Variants in CHST6 observed in about 807,000 individuals in gnomAD.
CHST6 encodes carbohydrate sulfotransferase 6, also known as N-acetylglucosamine 6-O-sulfotransferase 5.
For synonymous variants in CHST6, 309 were observed against 276.4 expected (o/e 1.12, Z -1.17); for missense variants, 698 against 586.2 (o/e 1.19, Z -1.97).
At position 75,478,269 on chromosome 16, in the gene CHST6, C is replaced by T. The variant is rs1567407854; in HGVS notation, c.*372G>A. 1 of 366,808 alleles carries T rather than the reference C, an allele frequency of 2.7e-6. No homozygotes were observed. Among genetic ancestry groups the T allele is most frequent in the East Asian group, 6.9e-5 (1 of 14,460 alleles). 22.7% of individuals were successfully genotyped at this position (366,808 alleles called of 1,614,324 possible). The stretch of plus-strand genomic sequence containing the variant: ...GCCATTTCACCACAGTGCCTCTCCA[C>T]TCCCAGCCAGTGCCAGGGCACCCCC... On this transcript the variant is annotated 3_prime_UTR_variant, in exon 3 of 3. Coordinates refer to ENST00000332272, the MANE Select transcript of CHST6 (RefSeq NM_021615.5).
At chr16:75,494,603 G>A (rs932145021) in intron 1 of CHST6, among the ~76,000 whole-genome samples, 2 of 152,166 alleles carry the variant, frequency 1.3e-5, no homozygotes, top group East Asian at 3.9e-4. Flanking sequence ...AAATCAACCC[G>A]CCAAGCTACC....
intron 1 of CHST6, among the ~76,000 whole-genome samples, chr16:75,487,956 A>G (rs2080219105): frequency 6.6e-6 from 1 of 151,964 alleles, no homozygotes; most frequent in African/African-American, 2.4e-5. Flanking sequence ...AGATCATGCC[A>G]CTGCACTCTA....
rs936537001 is a variant in CHST6 at position 75,478,846 on chromosome 16, T to G, written c.983A>C (p.Asn328Thr). 3 of 1,613,366 alleles carry G rather than the reference T, an allele frequency of 1.9e-6. No individual in the cohort carries two copies. Among genetic ancestry groups the G allele is most frequent in the Non-Finnish European group, 1.7e-6 (2 of 1,179,984 alleles). ...CGCATGGCGCCAGGCCTGGGAGACG[T>G]TGAGCGCATTCCTGGACGAAGTCTT... is the stretch of plus-strand genomic sequence containing the variant. The part of the protein sequence containing the change: ...AFKTSSRNAL[N>T]VSQAWRHALP... The change falls in exon 3 of 3, where the codon AAC becomes ACC. Residue 328 changes from asparagine to threonine, a missense_variant. Physicochemically the swap from Asn to Thr is moderately conservative, Grantham distance 65 (BLOSUM62 0). Transcript: ENST00000332272.
Position 75,478,935 on chromosome 16 carries a change from C to G in CHST6, c.894G>C (p.Gln298His), listed in dbSNP as rs1187579520. The G allele has an allele frequency of 6.2e-7, 1 of 1,613,022 alleles. No homozygotes were observed. Among genetic ancestry groups the G allele is most frequent in the Non-Finnish European group, 8.5e-7 (1 of 1,179,968 alleles). The stretch of plus-strand genomic sequence containing the variant: ...TGATGTTATGGATCCAGGCCTCGAG[C>G]TGTGGCGTGAGACTGAGCCCAGTGA... ...YAFTGLSLTP[Q>H]LEAWIHNITH... Residue 298 changes from glutamine (Q) to histidine (H), a missense_variant, in exon 3 of 3, where the codon CAG becomes CAC. By Grantham distance (24) the Gln-to-His change is conservative. Coordinates refer to ENST00000332272, the MANE Select transcript of CHST6 (RefSeq NM_021615.5).
Position 75,472,119 on chromosome 16 carries a change from G to C in CHST6, c.*6522C>G, listed in dbSNP as rs567573370. Reference sequence around the variant, plus strand: ...TTTCAACAAGACATAAAATCCACTGGCCATAAGGAAAGGATTCACATTCAA... The same window carrying C: ...TTTCAACAAGACATAAAATCCACTGCCCATAAGGAAAGGATTCACATTCAA... On this transcript the variant is annotated 3_prime_UTR_variant, in exon 3 of 3. Coordinates refer to ENST00000332272, the MANE Select transcript of CHST6 (RefSeq NM_021615.5). 1 of 152,308 alleles carries C rather than the reference G, an allele frequency of 6.6e-6. No homozygotes were observed. The highest frequency in any genetic ancestry group is 1.9e-4 in the East Asian group (1 of 5,188). The allele number at this position is 152,308 out of a possible 1,614,324, so 9.4% of individuals were successfully genotyped here. A position where few individuals can be genotyped will look rare whatever the true frequency, so the allele number is the denominator to read the frequency against.
rs1283505000 is a variant in CHST6 at position 75,476,897 on chromosome 16, A to AC, written c.*1743dup. 6.6e-6 allele frequency: 1 copy of AC among 151,998 alleles called. No homozygotes were observed. The highest frequency in any genetic ancestry group is 2.0e-4 in the East Asian group (1 of 5,116). 9.4% of individuals were successfully genotyped at this position (151,998 alleles called of 1,614,324 possible). On this transcript the variant is annotated 3_prime_UTR_variant, in exon 3 of 3. Transcript: ENST00000332272. ...GGAGCTGGGATTACAGGTATGTGCGACCATGCCTCGCTAATTTTGTATTTT... is the reference window on the plus strand; with the variant it reads ...GGAGCTGGGATTACAGGTATGTGCGACCCATGCCTCGCTAATTTTGTATTTT...
rs552475714 is a variant in CHST6 at position 75,474,827 on chromosome 16, G to A, written c.*3814C>T. The stretch of plus-strand genomic sequence containing the variant: ...GTGGTTTTTTTTAAGACAGACTCTC[G>A]CTTTGTTGCCCAGGCTGGAGTACAG... On this transcript the variant is annotated 3_prime_UTR_variant, in exon 3 of 3. Transcript: ENST00000332272. The A allele has an allele frequency of 1.5e-4, 61 of 393,850 alleles. 1 individual carries two copies. Among genetic ancestry groups the A allele is most frequent in the African/African-American group, 7.9e-4 (38 of 48,364 alleles). 24.4% of individuals were successfully genotyped at this position (393,850 alleles called of 1,614,324 possible).
rs994051919 is a variant in CHST6, at chr16:75,477,228, G to A, written c.*1413C>T. 2.0e-5 allele frequency: 3 copies of A among 152,202 alleles called. No individual in the cohort carries two copies. Among genetic ancestry groups the A allele is most frequent in the Non-Finnish European group, 4.4e-5 (3 of 68,046 alleles). 9.4% of individuals were successfully genotyped at this position (152,202 alleles called of 1,614,324 possible). A position where few individuals can be genotyped will look rare whatever the true frequency, so the allele number is the denominator to read the frequency against. On this transcript the variant is annotated 3_prime_UTR_variant, in exon 3 of 3. Transcript: ENST00000332272. ...TAAACCTGGAAGGAACCTAAAATGA[G>A]CTTCAGCTTCAAGGCTAATGTGCCT... is the stretch of plus-strand genomic sequence containing the variant.
rs761934435 is a variant in CHST6, at chr16:75,478,774, G to A, written c.1055C>T (p.Ala352Val). The change falls in exon 3 of 3, where the codon GCG (alanine) becomes GTG (valine). Residue 352 changes from alanine (A) to valine (V), a missense_variant. Physicochemically the swap from Ala to Val is moderately conservative, Grantham distance 64. Transcript: ENST00000332272. The part of the protein sequence containing the change: ...IRRVQELCAG[A>V]LQLLGYRPVY... ...AGGCCGGTAGCCCAGCAGCTGCAGC[G>A]CACCAGCGCACAGTTCCTGCACGCG... The A allele has an allele frequency of 1.6e-5, 26 of 1,613,344 alleles. No homozygotes were observed. The East Asian group carries it at 4.9e-4, about 30-fold the overall frequency.
chr16:75,491,418 G>A (rs1190627092), intron 1 of CHST6, among the ~76,000 whole-genome samples: 2 of 151,478 alleles, frequency 1.3e-5, no homozygotes, highest in African/African-American at 2.4e-5. Flanking sequence ...CGCCTAGGCT[G>A]GAGTGCAGTG....
At chr16:75,480,005 C>A (rs2080122307) in intron 2 of CHST6, among the ~76,000 whole-genome samples, 161 bp from the exon 3 acceptor site, 1 of 152,192 alleles carries the variant, frequency 6.6e-6, no homozygotes, top group Admixed American at 6.5e-5. Context: ...GGCCTTAAGA[C>A]ATAACTCAGG....
rs2151661649 is a variant in CHST6 at position 75,473,271 on chromosome 16, C to G, written c.*5370G>C. On this transcript the variant is annotated 3_prime_UTR_variant, in exon 3 of 3. Transcript: ENST00000332272. ...TCCCCACCTCTGAATCTGGGTGAGC[C>G]CTGGGACTCCCTTTGGCCAGTAGAA... The G allele has an allele frequency of 6.6e-6, 1 of 152,420 alleles. No homozygotes were observed. Among genetic ancestry groups the G allele is most frequent in the African/African-American group, 2.4e-5 (1 of 41,552 alleles). The allele number at this position is 152,420 out of a possible 1,614,324, so 9.4% of individuals were successfully genotyped here.
Position 75,479,526 on chromosome 16 carries a change from C to A in CHST6, c.303G>T (p.Leu101=), listed in dbSNP as rs1271891017. 1 of 1,612,786 alleles carries A rather than the reference C, an allele frequency of 6.2e-7. No homozygotes were observed. Among genetic ancestry groups the A allele is most frequent in the Non-Finnish European group, 8.5e-7 (1 of 1,179,842 alleles). ...AGGCATCAAACACGTCCATGTCGCA[C>A]AGGAAGACGGAGCGCACCAGGTCGC... The part of the protein sequence containing the change: ...AVRDLVRSVF[L]CDMDVFDAYL... Residue 101 remains leucine, a synonymous_variant, in exon 3 of 3, where the codon CTG becomes CTT. Transcript: ENST00000332272.
Position 75,479,666 on chromosome 16 carries a change from A to C in CHST6, c.163T>G (p.Phe55Val). 1 of 1,612,592 alleles carries C rather than the reference A, an allele frequency of 6.2e-7. No individual in the cohort carries two copies. The highest frequency in any genetic ancestry group is 1.1e-5 in the South Asian group (1 of 91,018). Reference protein sequence around the residue: ...VLSSWRSGSSFVGQLFNQHPD... With the variant: ...VLSSWRSGSSVVGQLFNQHPD... ...TGCTGGTTGAAGAGTTGGCCCACGA[A>C]GGACGAGCCCGAGCGCCACGAGGAC... Residue 55 changes from phenylalanine (F) to valine (V), a missense_variant, in exon 3 of 3, where the codon TTC becomes GTC. Coordinates refer to ENST00000332272, the MANE Select transcript of CHST6 (RefSeq NM_021615.5).
In CHST6 at chr16:75,476,944, A is replaced by G. The variant is rs2080072587; in HGVS notation, c.*1697T>C. 6.6e-6 allele frequency: 1 copy of G among 152,118 alleles called. No homozygotes were observed. The highest frequency in any genetic ancestry group is 2.4e-5 in the African/African-American group (1 of 41,416). 9.4% of individuals were successfully genotyped at this position (152,118 alleles called of 1,614,324 possible). ...TTTTTAGTAGAGGAGGGGCTTCGCC[A>G]TGTTGGCCAGGCTGTTCTTGAATGC... On this transcript the variant is annotated 3_prime_UTR_variant, in exon 3 of 3. Coordinates refer to ENST00000332272, the MANE Select transcript of CHST6 (RefSeq NM_021615.5).
Position 75,476,748 on chromosome 16 carries a change from CTT to C in CHST6, c.*1891_*1892del, listed in dbSNP as rs35225560. 310 of 136,782 alleles carry C rather than the reference CTT, an allele frequency of 2.3e-3. 1 individual carries two copies. Among genetic ancestry groups the C allele is most frequent in the Admixed American group, 6.9e-3 (95 of 13,676 alleles). 8.5% of individuals were successfully genotyped at this position (136,782 alleles called of 1,614,324 possible). A position where few individuals can be genotyped will look rare whatever the true frequency, so the allele number is the denominator to read the frequency against. The stretch of plus-strand genomic sequence containing the variant: ...AACATTTGTTTATAAGTTACCCAGT[CTT>C]TTTTTTTTTTTTGAGATGGAGTCTT... On this transcript the variant is annotated 3_prime_UTR_variant, in exon 3 of 3. Coordinates refer to ENST00000332272, the MANE Select transcript of CHST6 (RefSeq NM_021615.5).
Position 75,478,694 on chromosome 16 carries a change from C to G in CHST6, c.1135G>C (p.Gly379Arg). 6.2e-7 allele frequency: 1 copy of G among 1,613,714 alleles called. No individual in the cohort carries two copies. The highest frequency in any genetic ancestry group is 1.3e-5 in the African/African-American group (1 of 75,070). The change falls in exon 3 of 3, where the codon GGC (glycine) becomes CGC (arginine). Residue 379 changes from glycine (G) to arginine (R), a missense_variant. By Grantham distance (125) the Gly-to-Arg change is moderately radical. Coordinates refer to ENST00000332272, the MANE Select transcript of CHST6 (RefSeq NM_021615.5). ...NLALDLVLPR[G>R]LNGFTWASST... The stretch of plus-strand genomic sequence containing the variant: ...GATGCCCAAGTGAAGCCGTTCAGGC[C>G]TCGTGGCAGCACCAGATCAAGGGCG...
intron 1 of CHST6, among the ~76,000 whole-genome samples, chr16:75,487,600 T>A (rs1174773531): frequency 6.6e-6 from 1 of 151,612 alleles, no homozygotes; most frequent in Non-Finnish European, 1.5e-5. Context: ...GAGATCGACA[T>A]CTTCTTGGCT....
At chr16:75,487,054 T>G (rs1017544850) in intron 1 of CHST6, among the ~76,000 whole-genome samples, 1 of 152,204 alleles carries the variant, frequency 6.6e-6, no homozygotes, top group African/African-American at 2.4e-5. Context: ...AAACAACAAA[T>G]GAGTAGAGGA....
Sources: allele counts gnomAD v4.1 joint callset (sites outside exome capture counted in the v4.1 genomes callset), GRCh38; gene constraint gnomAD v4.1.1; transcripts MANE v1.5; gene names NCBI Gene and HGNC (gene_info 2026-07-23, HGNC 2026-07-21).